The following TPM3 variants were observed in gnomAD, a reference collection of about 807,000 sequenced individuals.
TPM3 encodes tropomyosin alpha-3 chain.
Under a neutral mutation model 43.1 loss-of-function variants are expected in TPM3, and 16 were observed. The observed-to-expected ratio is 0.37, with a 90% CI of 0.25 to 0.56. TPM3 has a LOEUF of 0.56. Among genes scored for constraint, TPM3 ranks in the 20% least tolerant of loss-of-function variants. TPM3 has a pLI of 0.77. For synonymous variants in TPM3, 101 were observed against 116.9 expected (o/e 0.86, Z 0.88); for missense variants, 176 against 337.2 (o/e 0.52, Z 3.74).
intron 2 of TPM3, among the ~76,000 whole-genome samples, chr1:154,185,372 CAAAAAA>C (rs34650875): frequency 6.7e-5 from 8 of 119,158 alleles, no homozygotes; most frequent in Non-Finnish European, 1.0e-4. Flanking sequence ...GACTCTGTAT[CAAAAAA>C]AAAAAAAAAA....
At position 154,166,044 on chromosome 1, in the gene TPM3, A is replaced by G. The variant is rs1434461174; in HGVS notation, c.*1893T>C. Among the ~76,000 whole-genome samples, 2 of 152,148 alleles carry G rather than the reference A, an allele frequency of 1.3e-5. No individual in the cohort carries two copies. The highest frequency in any genetic ancestry group is 1.3e-4 in the Admixed American group (2 of 15,274). ...TGCCTCCATCTTTATTTCTGTCTCC[A>G]TCTTAATATCCTATACCTAGAAGAT... On this transcript the variant is annotated 3_prime_UTR_variant, in exon 10 of 10. Transcript: ENST00000651641.
At position 154,164,032 on chromosome 1, in the gene TPM3, CCT is replaced by C. The variant is rs1052842049; in HGVS notation, c.*3903_*3904del. Among the ~76,000 whole-genome samples, 1 of 152,128 alleles carries C rather than the reference CCT, an allele frequency of 6.6e-6. No individual in the cohort carries two copies. Among genetic ancestry groups the C allele is most frequent in the Non-Finnish European group, 1.5e-5 (1 of 68,020 alleles). Reference sequence around the variant, plus strand: ...TGGATTCCCAACTCTCTTATGTCAACCTCTCTGCCTCACGCCCTAGAATTTTG... The same window carrying C: ...TGGATTCCCAACTCTCTTATGTCAACCTCTGCCTCACGCCCTAGAATTTTG... On this transcript the variant is annotated 3_prime_UTR_variant, in exon 10 of 10. Transcript: ENST00000651641.
In TPM3 at chr1:154,166,475, TG is replaced by T; in HGVS notation, c.*1461del. 1.0e-6 allele frequency: 1 copy of T among 999,326 alleles called. No individual in the cohort carries two copies. Among genetic ancestry groups the T allele is most frequent in the Non-Finnish European group, 1.2e-6 (1 of 821,314 alleles). The allele number at this position is 999,326 out of a possible 1,614,324, so 61.9% of individuals were successfully genotyped here. A position where few individuals can be genotyped will look rare whatever the true frequency, so the allele number is the denominator to read the frequency against. The stretch of plus-strand genomic sequence containing the variant: ...ATAGCACACTACAGTGCAGAACTCC[TG>T]GGCTCAAGCAATCCTCCTGCCTCAG... On this transcript the variant is annotated 3_prime_UTR_variant, in exon 10 of 10. Transcript: ENST00000651641.
downstream of TPM3, among the ~76,000 whole-genome samples, chr1:154,159,991 C>CT (rs60242183): frequency 0.053 from 6,849 of 129,800 alleles, 298 homozygotes; most frequent in Admixed American, 0.1. Flanking sequence ...AAGTTATTTC[C>CT]TTTTTTTTTT....
rs975266117 is a variant in TPM3, at chr1:154,163,510, T to C, written c.*4427A>G. On this transcript the variant is annotated 3_prime_UTR_variant, in exon 10 of 10. Coordinates refer to ENST00000651641, the MANE Select transcript of TPM3 (RefSeq NM_152263.4). ...TCCCATTTTCAGTTATCTTCCTTCT[T>C]AGCCTCTCTGTTGAAAAACCACTAG... Among the ~76,000 whole-genome samples the C allele has an allele frequency of 2.0e-5, 3 of 152,218 alleles. No homozygotes were observed. The highest frequency in any genetic ancestry group is 2.9e-5 in the Non-Finnish European group (2 of 68,040).
intron 5 of TPM3, 22 bp downstream of exon 5, chr1:154,172,886 A>G (rs1248684286): frequency 6.2e-7 from 1 of 1,613,998 alleles, no homozygotes; most frequent in South Asian, 1.1e-5. Context: ...TAATGACAAG[A>G]TTTGGGGAGC....
chr1:154,157,183 G>A (rs1484284750), downstream of TPM3: 7 of 296,950 alleles, frequency 2.4e-5, no homozygotes, highest in Admixed American at 9.5e-5. Flanking sequence ...TTTGGCTCTC[G>A]GTAAGGCAGG....
rs191809275 is a variant in TPM3, at chr1:154,178,042, C to G, written c.244-1794G>C. The G allele has an allele frequency of 8.6e-5, 58 of 675,870 alleles. No homozygotes were observed. In the African/African-American group the frequency reaches 1.0e-3, roughly 12 times the overall value. 41.9% of individuals were successfully genotyped at this position (675,870 alleles called of 1,614,324 possible). Reference sequence around the variant, plus strand: ...CACACATTTCTCCTCACAAACCCAACAAGGCCATGGATCAAGAGCAAGTCA... The same window carrying G: ...CACACATTTCTCCTCACAAACCCAAGAAGGCCATGGATCAAGAGCAAGTCA... On this transcript the variant is annotated intron_variant, in intron 2 of 9. Coordinates refer to ENST00000651641, the MANE Select transcript of TPM3 (RefSeq NM_152263.4).
intron 2 of TPM3, chr1:154,183,314 C>G: frequency 1.4e-6 from 2 of 1,478,630 alleles, no homozygotes; most frequent in Non-Finnish European, 1.8e-6. Context: ...GGGAGAGCCG[C>G]GGCAGGGAGT....
chr1:154,171,657 C>A, intron 5 of TPM3, 169 bp from the exon 6 acceptor site: 1 of 761,040 alleles, frequency 1.3e-6, no homozygotes, highest in Non-Finnish European at 2.2e-6. Flanking sequence ...CCTCCTCCCT[C>A]TACCATAGAA....
downstream of TPM3, among the ~76,000 whole-genome samples, chr1:154,161,548 G>A (rs1001283203): frequency 1.2e-4 from 18 of 145,910 alleles, no homozygotes; most frequent in Admixed American, 4.2e-4. Context: ...CGATTCTCTC[G>A]CCTCAGCCTC....
Position 154,163,252 on chromosome 1 carries a change from A to G in TPM3, c.*4685T>C, listed in dbSNP as rs948825731. ...AAATGAACTACAATGAAATACAATT[A>G]AATTTTAGCCCCTCAGCCACACTAG... On this transcript the variant is annotated 3_prime_UTR_variant, in exon 10 of 10. Transcript: ENST00000651641. Among the ~76,000 whole-genome samples, 5 of 152,238 alleles carry G rather than the reference A, an allele frequency of 3.3e-5. No individual in the cohort carries two copies. The highest frequency in any genetic ancestry group is 4.8e-5 in the African/African-American group (2 of 41,462).
Position 154,170,243 on chromosome 1 carries a change from C to G in TPM3, c.775+157G>C, listed in dbSNP as rs969241112. 1.3e-5 allele frequency: 10 copies of G among 744,380 alleles called. No individual in the cohort carries two copies. The Middle Eastern group carries it at 1.1e-3, about 83-fold the overall frequency. 46.1% of individuals were successfully genotyped at this position (744,380 alleles called of 1,614,324 possible). On this transcript the variant is annotated intron_variant, in intron 8 of 9. Transcript: ENST00000651641. Reference sequence around the variant, plus strand: ...TTAAAAAACCAATTCTAGAGTTTGACCCACTTTGCCTAGCTGTGGCATAGG... The same window carrying G: ...TTAAAAAACCAATTCTAGAGTTTGAGCCACTTTGCCTAGCTGTGGCATAGG...
Position 154,169,324 on chromosome 1 carries a change from G to C in TPM3, c.835C>G (p.Leu279Val), listed in dbSNP as rs186253666. The change falls in exon 9 of 10, where the codon CTC becomes GTC. Residue 279 changes from leucine to valine, a missense_variant. By Grantham distance (32) the Leu-to-Val change is conservative (BLOSUM62 1). Transcript: ENST00000651641. ...AGTTACATAGAGGTCATGTCATTGA[G>C]GGCGTGGTCCAGCTCCTCGCTAATG... ...KAISEELDHA[L>V]NDMTSI 24 of 1,614,204 alleles carry C rather than the reference G, an allele frequency of 1.5e-5. No individual in the cohort carries two copies. The Admixed American group carries it at 3.7e-4, about 25-fold the overall frequency.
In TPM3 at chr1:154,167,856, G is replaced by A; in HGVS notation, c.*81C>T. On this transcript the variant is annotated 3_prime_UTR_variant, in exon 10 of 10. Coordinates refer to ENST00000651641, the MANE Select transcript of TPM3 (RefSeq NM_152263.4). Reference sequence around the variant, plus strand: ...GGGGACCAGCCAGGCTGACCCAAATGGAATCCAGAGCGAGAGTGGGGCCTT... The same window carrying A: ...GGGGACCAGCCAGGCTGACCCAAATAGAATCCAGAGCGAGAGTGGGGCCTT... The A allele has an allele frequency of 6.2e-7, 1 of 1,613,458 alleles. No individual in the cohort carries two copies. The highest frequency in any genetic ancestry group is 8.5e-7 in the Non-Finnish European group (1 of 1,179,598).
chr1:154,187,199 G>T, intron 2 of TPM3: 1 of 605,654 alleles, frequency 1.7e-6, no homozygotes, highest in Non-Finnish European at 2.1e-6. Flanking sequence ...AACTTTTAGG[G>T]TCTTGTGGCC....
At chr1:154,169,410 G>A in intron 8 of TPM3, 27 bp from the exon 9 acceptor site, 1 of 1,610,762 alleles carries the variant, frequency 6.2e-7, no homozygotes, top group Non-Finnish European at 8.5e-7. Flanking sequence ...ACCACAGGGA[G>A]GAATGAGGGG....
At position 154,166,411 on chromosome 1, in the gene TPM3, C is replaced by A. The variant is rs1321164584; in HGVS notation, c.*1526G>T. The A allele has an allele frequency of 1.9e-6, 1 of 526,386 alleles. No homozygotes were observed. The highest frequency in any genetic ancestry group is 2.6e-6 in the Non-Finnish European group (1 of 388,916). 32.6% of individuals were successfully genotyped at this position (526,386 alleles called of 1,614,324 possible). A position where few individuals can be genotyped will look rare whatever the true frequency, so the allele number is the denominator to read the frequency against. On this transcript the variant is annotated 3_prime_UTR_variant, in exon 10 of 10. Coordinates refer to ENST00000651641, the MANE Select transcript of TPM3 (RefSeq NM_152263.4). ...GTTGTTCTCCACTCCCAGGAGGTCA[C>A]CATACTGATGCCAAATTTAGTGAGG...
At chr1:154,182,859 G>C in intron 2 of TPM3, 8 of 1,442,838 alleles carry the variant, frequency 5.5e-6, no homozygotes, top group Non-Finnish European at 7.7e-6. Flanking sequence ...CCCATCCTCC[G>C]AGATCCCAAC....
Sources: allele counts gnomAD v4.1 joint callset (sites outside exome capture counted in the v4.1 genomes callset), GRCh38; gene constraint gnomAD v4.1.1; transcripts MANE v1.5; gene names NCBI Gene and HGNC (gene_info 2026-07-23, HGNC 2026-07-21).